ZKSCAN5: variants seen among roughly 807,000 people sequenced by gnomAD.
ZKSCAN5 encodes the protein zinc finger with KRAB and SCAN domains 5.
A neutral mutation model predicts 60.0 loss-of-function variants in ZKSCAN5; 28 were observed. The observed-to-expected ratio is 0.47, with a 90% CI of 0.35 to 0.64. ZKSCAN5 has a LOEUF of 0.64. Ranked by LOEUF, ZKSCAN5 falls within the 30% of genes least tolerant of loss-of-function variation. The pLI, the probability that ZKSCAN5 is intolerant of heterozygous loss-of-function variation, is 0.01. For missense variants in ZKSCAN5, 881 were observed against 1,034.6 expected (o/e 0.85, Z 2.04); for synonymous variants, 361 against 371.2 (o/e 0.97, Z 0.31).
intron 3 of ZKSCAN5, among the ~76,000 whole-genome samples, chr7:99,514,188 A>G (rs1468623045): frequency 6.6e-6 from 1 of 152,224 alleles, no homozygotes; most frequent in Non-Finnish European, 1.5e-5. Context: ...CTCACAAGAT[A>G]AGAATGCCAT....
intron 3 of ZKSCAN5, among the ~76,000 whole-genome samples, chr7:99,515,343 G>A (rs1371918673): frequency 1.3e-5 from 2 of 151,856 alleles, no homozygotes; most frequent in African/African-American, 4.8e-5. Flanking sequence ...GGAGGCAGAG[G>A]TTGCTGTGAA....
intron 5 of ZKSCAN5, among the ~76,000 whole-genome samples, 197 bp downstream of exon 5, chr7:99,520,501 A>G (rs1415516523): frequency 6.6e-6 from 1 of 151,764 alleles, no homozygotes; most frequent in African/African-American, 2.4e-5. Flanking sequence ...CATCTTAATA[A>G]GAGTATGATT....
chr7:99,523,320 G>C (rs557312909), intron 5 of ZKSCAN5, among the ~76,000 whole-genome samples: 1 of 152,054 alleles, frequency 6.6e-6, no homozygotes, highest in South Asian at 2.1e-4. Context: ...ACAAGGGGAG[G>C]AGGAAGTGAG....
At chr7:99,507,462 C>CGTATATATGT (rs200168753) in intron 2 of ZKSCAN5, among the ~76,000 whole-genome samples, 3 of 133,816 alleles carry the variant, frequency 2.2e-5, no homozygotes, top group Non-Finnish European at 3.1e-5. Flanking sequence ...TATATATATG[C>CGTATATATGT]GTATATATGT....
At position 99,526,276 on chromosome 7, in the gene ZKSCAN5, G is replaced by A. The variant is rs1347326217; in HGVS notation, c.1236G>A (p.Arg412=). 4 of 1,613,412 alleles carry A rather than the reference G, an allele frequency of 2.5e-6. No homozygotes were observed. The African/African-American group carries it at 5.3e-5, about 22-fold the overall frequency. ...GTCAGGTGTGCGGAAAGGCTTTCCGGGTGAGTTCCCACCTGGTTCAGCACC... is the reference window on the plus strand; with the variant it reads ...GTCAGGTGTGCGGAAAGGCTTTCCGAGTGAGTTCCCACCTGGTTCAGCACC... The part of the protein sequence containing the change: ...YKCQVCGKAF[R]VSSHLVQHHS... Residue 412 remains arginine, a synonymous_variant, in exon 6 of 7, where the codon CGG becomes CGA. Transcript: ENST00000326775.
rs769625061 is a variant in ZKSCAN5 at position 99,531,157 on chromosome 7, T to C, written c.1428T>C (p.Ile476=). The part of the protein sequence containing the change: ...KNTKLSVKKK[I]SEYSEADMEL... ...CAAAATTAAGTGTTAAGAAGAAAAT[T>C]TCAGAATATTCAGAAGCAGACATGG... The change falls in exon 7 of 7, where the codon ATT becomes ATC. Residue 476 remains isoleucine, a synonymous_variant. Transcript: ENST00000326775. 8 of 1,603,810 alleles carry C rather than the reference T, an allele frequency of 5.0e-6. No homozygotes were observed. In the African/African-American group the frequency reaches 1.1e-4, roughly 22 times the overall value.
intron 3 of ZKSCAN5, chr7:99,513,663 C>A: frequency 5.5e-6 from 1 of 181,596 alleles, no homozygotes; most frequent in Non-Finnish European, 1.2e-5. Flanking sequence ...AAAGTGCTGG[C>A]ATTAGAGGTG....
chr7:99,512,668 GGA>G (rs1801091754), intron 3 of ZKSCAN5, 77 bp downstream of exon 3: 3 of 1,530,076 alleles, frequency 2.0e-6, no homozygotes, highest in Non-Finnish European at 2.6e-6. Context: ...ACTATCTGCG[GGA>G]GAGAGACTCT....
At chr7:99,505,353 T>C (rs1298867875) in intron 1 of ZKSCAN5, 1 of 151,514 alleles carries the variant, frequency 6.6e-6, no homozygotes, top group Non-Finnish European at 1.5e-5. Flanking sequence ...GCGGGGAGCT[T>C]GATGTTCCAG....
chr7:99,526,876 C>T (rs1207295774), intron 6 of ZKSCAN5, among the ~76,000 whole-genome samples: 3 of 152,100 alleles, frequency 2.0e-5, no homozygotes, highest in African/African-American at 7.2e-5. Flanking sequence ...GTTAGTGGTT[C>T]CTTCTGGTAA....
At chr7:99,528,372 A>G (rs115036282) in intron 6 of ZKSCAN5, among the ~76,000 whole-genome samples, 13 of 152,212 alleles carry the variant, frequency 8.5e-5, no homozygotes, top group African/African-American at 3.1e-4. Flanking sequence ...AATTGTTTCT[A>G]TGGCTAGTTT....
In ZKSCAN5 at chr7:99,504,713, G is replaced by A. The variant is rs1187655293; in HGVS notation, c.-61G>A. The A allele has an allele frequency of 1.3e-5, 2 of 152,352 alleles. No homozygotes were observed. Among genetic ancestry groups the A allele is most frequent in the African/African-American group, 4.8e-5 (2 of 41,462 alleles). The allele number at this position is 152,352 out of a possible 1,614,324, so 9.4% of individuals were successfully genotyped here. On this transcript the variant is annotated 5_prime_UTR_variant, in exon 1 of 7. Coordinates refer to ENST00000326775, the MANE Select transcript of ZKSCAN5 (RefSeq NM_145102.4). ...GACGTTGAAGATGTCGGCCTTCTGA[G>A]CCGACTGCGGTGGTCAAGAGGTGGG...
At chr7:99,512,342 T>G in intron 2 of ZKSCAN5, 111 bp from the exon 3 acceptor site, 1 of 1,385,694 alleles carries the variant, frequency 7.2e-7, no homozygotes, top group Admixed American at 2.1e-5. Flanking sequence ...TCATTGTAGA[T>G]GCACATTAAA....
chr7:99,506,546 T>G (rs1223009545), intron 2 of ZKSCAN5, 88 bp downstream of exon 2: 4 of 1,435,490 alleles, frequency 2.8e-6, no homozygotes, highest in Non-Finnish European at 3.7e-6. Flanking sequence ...CTCTGCTGCT[T>G]CATTCATATT....
At chr7:99,530,771 G>A (rs1423972312) in intron 6 of ZKSCAN5, among the ~76,000 whole-genome samples, 1 of 152,054 alleles carries the variant, frequency 6.6e-6, no homozygotes, top group Non-Finnish European at 1.5e-5. Flanking sequence ...TAAAAGAACT[G>A]ATGGGCCAGG....
At chr7:99,524,094 A>T (rs1411878767) in intron 5 of ZKSCAN5, among the ~76,000 whole-genome samples, 1 of 147,284 alleles carries the variant, frequency 6.8e-6, no homozygotes, top group Non-Finnish European at 1.5e-5. Flanking sequence ...TTTTTGGGAC[A>T]GAGTCTCGCT....
intron 6 of ZKSCAN5, among the ~76,000 whole-genome samples, chr7:99,526,753 C>T (rs909621345): frequency 1.3e-5 from 2 of 152,080 alleles, no homozygotes; most frequent in African/African-American, 4.8e-5. Flanking sequence ...CAGGGTTTCC[C>T]CATGTTGGCT....
Position 99,522,818 on chromosome 7 carries a change from C to T in ZKSCAN5, c.772+2514C>T, listed in dbSNP as rs114172163. Among the ~76,000 whole-genome samples the T allele has an allele frequency of 2.9e-3, 434 of 151,484 alleles. 1 individual carries two copies. Among genetic ancestry groups the T allele is most frequent in the African/African-American group, 0.01 (422 of 41,328 alleles). ...TTTTGTTAATGGGAGAAATTTTCAG[C>T]ATATTTAAATGCTTCTGGAGAAGAA... On this transcript the variant is annotated intron_variant, in intron 5 of 6. Coordinates refer to ENST00000326775, the MANE Select transcript of ZKSCAN5 (RefSeq NM_145102.4).
intron 2 of ZKSCAN5, among the ~76,000 whole-genome samples, chr7:99,507,939 G>GA (rs1207902405): frequency 3.3e-5 from 5 of 151,972 alleles, no homozygotes; most frequent in East Asian, 3.9e-4. Context: ...AATTTAAATT[G>GA]AAAAAATATA....
Sources: allele counts gnomAD v4.1 joint callset (sites outside exome capture counted in the v4.1 genomes callset), GRCh38; gene constraint gnomAD v4.1.1; transcripts MANE v1.5; gene names NCBI Gene and HGNC (gene_info 2026-07-23, HGNC 2026-07-21).